Variants in MEGF10 observed in about 807,000 individuals in gnomAD.
MEGF10 encodes multiple epidermal growth factor-like domains protein 10.
A neutral mutation model predicts 147.5 loss-of-function variants in MEGF10; 86 were observed. The ratio of observed to expected loss-of-function variants is 0.58; its 90% CI spans 0.49 to 0.70. The LOEUF is 0.70. Among genes scored for constraint, MEGF10 ranks in the 30% least tolerant of loss-of-function variants. MEGF10 has a pLI of 0.00. For missense variants in MEGF10, 1,329 were observed against 1,487.3 expected (o/e 0.89, Z 1.75); for synonymous variants, 478 against 525.5 (o/e 0.91, Z 1.24).
chr5:127,343,553 T>A (rs1761764858), intron 4 of MEGF10, among the ~76,000 whole-genome samples: 1 of 152,120 alleles, frequency 6.6e-6, no homozygotes, highest in Admixed American at 6.6e-5. Context: ...TTGGTTCTTA[T>A]CTTCCCCTCA....
chr5:127,256,282 G>A, the MEGF10 span, among the ~76,000 whole-genome samples: 2 of 152,186 alleles, frequency 1.3e-5, no homozygotes, highest in Non-Finnish European at 2.9e-5. Context: ...TTGATCAGGT[G>A]ATATTCAAAT....
Position 127,420,165 on chromosome 5 carries a change from T to C in MEGF10, c.1548T>C (p.Cys516=), listed in dbSNP as rs781192168. Residue 516 remains cysteine, a synonymous_variant, in exon 12 of 25, where the codon TGT becomes TGC. Transcript: ENST00000503335. ...ACNTLDGTCT[C]APGWRGEKCE... ...ACACCCTGGACGGGACCTGCACGTG[T>C]GCACCTGGATGGCGCGGGGAGAAAT... 1.5e-5 allele frequency: 25 copies of C among 1,614,198 alleles called. No homozygotes were observed. In the East Asian group the frequency reaches 4.9e-4, roughly 32 times the overall value.
intron 1 of MEGF10, among the ~76,000 whole-genome samples, chr5:127,303,595 C>A (rs1360088784): frequency 6.6e-6 from 1 of 152,214 alleles, no homozygotes; most frequent in African/African-American, 2.4e-5. Context: ...ATACTCCATG[C>A]AATCTTCTAT....
the MEGF10 span, among the ~76,000 whole-genome samples, chr5:127,247,447 A>G: frequency 0.15 from 10,432 of 67,412 alleles, 3,211 homozygotes; most frequent in Middle Eastern, 0.35. Context: ...GAAGAAGAAG[A>G]AGAAGAAGAA....
chr5:127,261,279 C>T, the MEGF10 span, among the ~76,000 whole-genome samples: 1 of 152,146 alleles, frequency 6.6e-6, no homozygotes, highest in African/African-American at 2.4e-5. Flanking sequence ...CTGTCTGGCT[C>T]TGGGCAATCA....
intron 5 of MEGF10, among the ~76,000 whole-genome samples, chr5:127,395,370 T>C (rs921290502): frequency 6.6e-6 from 1 of 152,056 alleles, no homozygotes; most frequent in African/African-American, 2.4e-5. Context: ...TTTTACCTGG[T>C]TTCGTTTGCC....
At chr5:127,432,000 A>G (rs1050881528) in intron 13 of MEGF10, among the ~76,000 whole-genome samples, 1 of 152,204 alleles carries the variant, frequency 6.6e-6, no homozygotes, top group Admixed American at 6.5e-5. Flanking sequence ...AAATCAACAT[A>G]GTAGGCCCAG....
intron 11 of MEGF10, among the ~76,000 whole-genome samples, chr5:127,419,571 A>G (rs1227786725): frequency 2.0e-5 from 3 of 152,228 alleles, no homozygotes; most frequent in African/African-American, 2.4e-5. Context: ...CCAATTTTAT[A>G]TGAGCACTAG....
At chr5:127,236,891 G>C in the MEGF10 span, among the ~76,000 whole-genome samples, 1 of 152,206 alleles carries the variant, frequency 6.6e-6, no homozygotes, top group Non-Finnish European at 1.5e-5. Flanking sequence ...GTCTCCTTGA[G>C]AGAACTGAGA....
chr5:127,361,064 G>T (rs1762454587), intron 4 of MEGF10, among the ~76,000 whole-genome samples: 1 of 151,930 alleles, frequency 6.6e-6, no homozygotes, highest in Non-Finnish European at 1.5e-5. Flanking sequence ...CAGTTGGGAA[G>T]CTGGGAAGTA....
chr5:127,319,868 C>A (rs1376540507), intron 1 of MEGF10, among the ~76,000 whole-genome samples: 1 of 152,138 alleles, frequency 6.6e-6, no homozygotes, highest in Non-Finnish European at 1.5e-5. Context: ...TATAGCAATT[C>A]GTATTATTGG....
At chr5:127,303,326 A>G (rs1424551940) in intron 1 of MEGF10, among the ~76,000 whole-genome samples, 1 of 137,766 alleles carries the variant, frequency 7.3e-6, no homozygotes, top group Admixed American at 7.6e-5. Flanking sequence ...ACAGATCGAG[A>G]CTCCATGTCA....
intron 4 of MEGF10, among the ~76,000 whole-genome samples, chr5:127,360,244 C>A (rs1762422002): frequency 6.6e-6 from 1 of 151,892 alleles, no homozygotes; most frequent in Non-Finnish European, 1.5e-5. Flanking sequence ...TTAAGTATTT[C>A]ATATTTTTTG....
At chr5:127,395,554 T>C (rs1763876732) in intron 5 of MEGF10, among the ~76,000 whole-genome samples, 1 of 137,008 alleles carries the variant, frequency 7.3e-6, no homozygotes, top group Non-Finnish European at 1.6e-5. Flanking sequence ...TTTTTTTTTT[T>C]TTTTTTTTGA....
intron 1 of MEGF10, among the ~76,000 whole-genome samples, chr5:127,318,333 T>C (rs1212810791): frequency 6.6e-6 from 1 of 152,194 alleles, no homozygotes; most frequent in African/African-American, 2.4e-5. Flanking sequence ...CATTGTATCT[T>C]TACAGTAAAA....
chr5:127,380,810 C>T (rs1421650475), intron 5 of MEGF10, among the ~76,000 whole-genome samples: 1 of 152,182 alleles, frequency 6.6e-6, no homozygotes, highest in African/African-American at 2.4e-5. Context: ...AGCCACCGCG[C>T]CCAGCTGACA....
At chr5:127,366,909 C>T (rs963606081) in intron 4 of MEGF10, among the ~76,000 whole-genome samples, 1 of 152,064 alleles carries the variant, frequency 6.6e-6, no homozygotes, top group Non-Finnish European at 1.5e-5. Flanking sequence ...AACAAAAAAC[C>T]AATGGATTGG....
chr5:127,436,459 G>A (rs1406625973), intron 16 of MEGF10, among the ~76,000 whole-genome samples: 1 of 152,148 alleles, frequency 6.6e-6, no homozygotes, highest in East Asian at 1.9e-4. Flanking sequence ...TATGCGATAT[G>A]ATTTCACTCC....
the MEGF10 span, among the ~76,000 whole-genome samples, chr5:127,275,230 A>T: frequency 4.8e-3 from 725 of 152,356 alleles, 3 homozygotes; most frequent in South Asian, 9.5e-3. Flanking sequence ...TGCCTGTTTT[A>T]TAAGAAGGGA....
Sources: gnomAD v4.1 joint callset for allele counts (sites outside exome capture counted in the v4.1 genomes callset) on GRCh38, gnomAD v4.1.1 for gene constraint, MANE v1.5 for transcripts, NCBI Gene and HGNC (gene_info 2026-07-23, HGNC 2026-07-21) for gene names.